WASHC5: variants seen among roughly 807,000 people sequenced by gnomAD.
The protein encoded by WASHC5 is WASH complex subunit 5.
In WASHC5, 101 loss-of-function variants were observed where a neutral mutation model predicts 150.4. The ratio of observed to expected loss-of-function variants is 0.67; its 90% CI spans 0.57 to 0.79. The LOEUF is 0.79. Ranked by LOEUF, WASHC5 falls within the 30% of genes least tolerant of loss-of-function variation. The pLI, the probability that WASHC5 is intolerant of heterozygous loss-of-function variation, is 0.00. For missense variants in WASHC5, 1,195 were observed against 1,396.3 expected (o/e 0.86, Z 2.30); for synonymous variants, 467 against 491.2 (o/e 0.95, Z 0.65).
rs760303858 is a variant in WASHC5, at chr8:125,061,168, T to A, written c.1435A>T (p.Ile479Phe). 5.6e-6 allele frequency: 9 copies of A among 1,608,042 alleles called. 1 individual carries two copies. In the South Asian group the frequency reaches 9.9e-5, roughly 18 times the overall value. Residue 479 changes from isoleucine (I) to phenylalanine (F), a missense_variant, in exon 12 of 29, where the codon ATC becomes TTC. Ile to Phe is a conservative substitution (Grantham distance 21). Transcript: ENST00000318410. The part of the protein sequence containing the change: ...NENLQAWFRE[I>F]SKQILSLNYD... ...TTTAAAGACAATATTTGTTTTGAGA[T>A]CTCTCTGAACCAAGCTTGAAGGTTT...
Position 125,073,349 on chromosome 8 carries a change from A to T in WASHC5, c.979-25T>A, listed in dbSNP as rs1026950794. The stretch of plus-strand genomic sequence containing the variant: ...CCTTGACAAATAAGAAACTTGAATT[A>T]CATTTAAAAAGTCATTTATCTTGAA... On this transcript the variant is annotated intron_variant, in intron 8 of 28. Coordinates refer to ENST00000318410, the MANE Select transcript of WASHC5 (RefSeq NM_014846.4). The T allele has an allele frequency of 2.5e-6, 4 of 1,586,974 alleles. No individual in the cohort carries two copies. In the Admixed American group the frequency reaches 6.7e-5, roughly 26 times the overall value.
Position 125,091,652 on chromosome 8 carries a change from C to G in WASHC5, c.-162G>C, listed in dbSNP as rs1237899632. On this transcript the variant is annotated 5_prime_UTR_variant, in exon 1 of 29. Transcript: ENST00000318410. ...CCGCGCCACGGCGCACGCGCAGGGC[C>G]GGAGGTCGCGCGCGGAGCCGGCACC... 6.6e-6 allele frequency: 1 copy of G among 152,500 alleles called. No homozygotes were observed. The highest frequency in any genetic ancestry group is 1.5e-5 in the Non-Finnish European group (1 of 68,292). The allele number at this position is 152,500 out of a possible 1,614,324, so 9.4% of individuals were successfully genotyped here.
At chr8:125,082,248 T>C in intron 4 of WASHC5, 135 bp downstream of exon 4, 1 of 644,402 alleles carries the variant, frequency 1.6e-6, no homozygotes, top group South Asian at 1.8e-5. Flanking sequence ...ACCTGCCAGT[T>C]AGAAGATAAT....
intron 26 of WASHC5, among the ~76,000 whole-genome samples, chr8:125,035,994 T>C (rs936141313): frequency 1.3e-5 from 2 of 152,242 alleles, no homozygotes; most frequent in South Asian, 2.1e-4. Flanking sequence ...TTATCTATTA[T>C]GTAACTACAA....
At chr8:125,061,676 G>A (rs1816599265) in intron 11 of WASHC5, among the ~76,000 whole-genome samples, 1 of 152,220 alleles carries the variant, frequency 6.6e-6, no homozygotes, top group Non-Finnish European at 1.5e-5. Context: ...AGTGTAAGGT[G>A]TGACTGGTGA....
chr8:125,072,351 G>GT (rs1491508426), intron 9 of WASHC5, among the ~76,000 whole-genome samples: 6 of 63,138 alleles, frequency 9.5e-5, no homozygotes, highest in Non-Finnish European at 1.1e-4. Context: ...AAAAAAAAAA[G>GT]TGGGGGGGGG....
chr8:125,069,094 T>C (rs1816829676), intron 9 of WASHC5, among the ~76,000 whole-genome samples: 1 of 152,226 alleles, frequency 6.6e-6, no homozygotes, highest in Non-Finnish European at 1.5e-5. Flanking sequence ...GGTAGAGCCC[T>C]TGGCAGGCAA....
Position 125,043,820 on chromosome 8 carries a change from C to T in WASHC5, c.2850+5G>A, listed in dbSNP as rs746751439. 6.3e-7 allele frequency: 1 copy of T among 1,596,834 alleles called. No individual in the cohort carries two copies. The highest frequency in any genetic ancestry group is 2.2e-5 in the East Asian group (1 of 44,776). On this transcript the variant is annotated splice_donor_5th_base_variant and intron_variant, in intron 23 of 28. Transcript: ENST00000318410. The stretch of plus-strand genomic sequence containing the variant: ...TGACTGTACACCCTCTCTTCTACAA[C>T]ATACCTTCATTATAGCCTCGAGATA...
intron 26 of WASHC5, 159 bp from the exon 27 acceptor site, chr8:125,032,553 C>T: frequency 2.4e-6 from 2 of 833,394 alleles, no homozygotes; most frequent in East Asian, 5.3e-5. Flanking sequence ...TTTGAATTAG[C>T]CACAGGATTG....
rs193233620 is a variant in WASHC5 at position 125,076,022 on chromosome 8, T to C, written c.864+326A>G. Among the ~76,000 whole-genome samples the C allele has an allele frequency of 2.3e-3, 353 of 152,308 alleles. 3 individuals carry two copies. The Middle Eastern group carries it at 0.034, about 15-fold the overall frequency. ...ATTAGATGAATTTGGCTATCTTAGATTCAGAAAATGGAAAAGAATAAATAA... is the reference window on the plus strand; with the variant it reads ...ATTAGATGAATTTGGCTATCTTAGACTCAGAAAATGGAAAAGAATAAATAA... On this transcript the variant is annotated intron_variant, in intron 7 of 28. Coordinates refer to ENST00000318410, the MANE Select transcript of WASHC5 (RefSeq NM_014846.4).
intron 9 of WASHC5, among the ~76,000 whole-genome samples, chr8:125,067,949 G>A (rs1341177951): frequency 6.6e-6 from 1 of 152,172 alleles, no homozygotes; most frequent in African/African-American, 2.4e-5. Context: ...ATTGTTGAAT[G>A]ACAAAAAGCA....
chr8:125,090,919 G>A (rs551448142), intron 1 of WASHC5, among the ~76,000 whole-genome samples: 1 of 152,174 alleles, frequency 6.6e-6, no homozygotes, highest in South Asian at 2.1e-4. Context: ...CTGAAATCCT[G>A]GGAAAGGCAG....
chr8:125,034,805 A>T (rs13272814), intron 26 of WASHC5, among the ~76,000 whole-genome samples: 22,174 of 152,184 alleles, frequency 0.15, 2,065 homozygotes, highest in Non-Finnish European at 0.21. Flanking sequence ...AGGACTCAGT[A>T]TGGAGAAATA....
At chr8:125,067,242 T>C (rs1348299527) in intron 10 of WASHC5, among the ~76,000 whole-genome samples, 1 of 152,194 alleles carries the variant, frequency 6.6e-6, no homozygotes, top group Non-Finnish European at 1.5e-5. Flanking sequence ...GATCTCGAAC[T>C]CCTGACCTCA....
chr8:125,024,734 A>G (rs953868695), intron 28 of WASHC5, 61 bp from the exon 29 acceptor site: 6 of 1,155,100 alleles, frequency 5.2e-6, no homozygotes, highest in Admixed American at 1.7e-5. Context: ...CAAAATTTTC[A>G]TACGTAAAAG....
intron 26 of WASHC5, among the ~76,000 whole-genome samples, chr8:125,035,227 T>C (rs558802134): frequency 4.6e-5 from 7 of 152,216 alleles, no homozygotes; most frequent in Non-Finnish European, 1.0e-4. Context: ...ATTTCTAGGA[T>C]ACATAAAGAT....
chr8:125,045,816 T>C (rs1816049590), intron 20 of WASHC5, among the ~76,000 whole-genome samples: 1 of 152,210 alleles, frequency 6.6e-6, no homozygotes, highest in Non-Finnish European at 1.5e-5. Flanking sequence ...ATTCTGATGA[T>C]AAAATTCATA....
chr8:125,072,540 A>AT, intron 9 of WASHC5, among the ~76,000 whole-genome samples: 1 of 151,688 alleles, frequency 6.6e-6, no homozygotes, highest in Admixed American at 6.6e-5. Context: ...TGCCCAGCTA[A>AT]TTTTTTTACT....
intron 23 of WASHC5, among the ~76,000 whole-genome samples, chr8:125,040,464 G>A (rs1414811572): frequency 6.6e-6 from 1 of 152,128 alleles, no homozygotes; most frequent in Non-Finnish European, 1.5e-5. Context: ...CCTTAATCCA[G>A]GGTTCTTAAT....
Sources: allele counts gnomAD v4.1 joint callset (sites outside exome capture counted in the v4.1 genomes callset), GRCh38; gene constraint gnomAD v4.1.1; transcripts MANE v1.5; gene names NCBI Gene and HGNC (gene_info 2026-07-23, HGNC 2026-07-21).